Variants in PCDHA6 observed in about 807,000 individuals in gnomAD.
PCDHA6 encodes the protein protocadherin alpha 6.
A neutral mutation model predicts 60.3 loss-of-function variants in PCDHA6; 55 were observed. The ratio of observed to expected loss-of-function variants is 0.91; its 90% CI spans 0.73 to 1.14. PCDHA6 has a LOEUF of 1.14. PCDHA6 is among the 50% of genes most tolerant of loss of function. PCDHA6 has a pLI of 0.00. For missense variants in PCDHA6, 1,327 were observed against 1,256.5 expected (o/e 1.06, Z -0.85); for synonymous variants, 652 against 557.9 (o/e 1.17, Z -2.38).
In PCDHA6 at chr5:140,829,318, G is replaced by A; in HGVS notation, c.1227G>A (p.Leu409=). Residue 409 remains leucine, a synonymous_variant, in exon 1 of 4, where the codon CTG becomes CTA. Coordinates refer to ENST00000529310, the MANE Select transcript of PCDHA6 (RefSeq NM_018909.4). The part of the protein sequence containing the change: ...STFKNYYSLV[L]DSALDRESVS... ...TCAAGAATTACTACTCGTTGGTGCTGGACAGTGCCCTGGACCGCGAGAGCG... is the reference window on the plus strand; with the variant it reads ...TCAAGAATTACTACTCGTTGGTGCTAGACAGTGCCCTGGACCGCGAGAGCG... 3 of 1,614,246 alleles carry A rather than the reference G, an allele frequency of 1.9e-6. No individual in the cohort carries two copies. Among genetic ancestry groups the A allele is most frequent in the Non-Finnish European group, 2.5e-6 (3 of 1,180,042 alleles).
At chr5:140,922,288 T>C (rs2080761283) in intron 1 of PCDHA6, among the ~76,000 whole-genome samples, 1 of 152,150 alleles carries the variant, frequency 6.6e-6, no homozygotes, top group African/African-American at 2.4e-5. Context: ...GATATGAAAA[T>C]GCTAGGAGAG....
chr5:140,853,580 T>C, intron 1 of PCDHA6: 2 of 984,120 alleles, frequency 2.0e-6, no homozygotes, highest in Non-Finnish European at 2.4e-6. Flanking sequence ...TCACCCAATA[T>C]CTTAGACACT....
intron 1 of PCDHA6, among the ~76,000 whole-genome samples, chr5:140,920,648 A>G (rs1465559942): frequency 1.3e-5 from 2 of 152,148 alleles, no homozygotes; most frequent in Non-Finnish European, 2.9e-5. Flanking sequence ...GATTGAGACC[A>G]TCCTTGCCAA....
chr5:140,882,157 C>G, intron 1 of PCDHA6: 5 of 1,504,750 alleles, frequency 3.3e-6, no homozygotes, highest in Non-Finnish European at 8.9e-7. Flanking sequence ...AAGCGGAATA[C>G]CTCTTGCGAA....
intron 1 of PCDHA6, among the ~76,000 whole-genome samples, chr5:140,833,892 C>A (rs1772707786): frequency 1.3e-5 from 2 of 152,052 alleles, no homozygotes; most frequent in Non-Finnish European, 2.9e-5. Context: ...GGATCTAGAT[C>A]AAAGGAATTT....
At chr5:140,834,597 G>A (rs1554134361) in intron 1 of PCDHA6, 1 of 1,614,130 alleles carries the variant, frequency 6.2e-7, no homozygotes, top group African/African-American at 1.3e-5. Flanking sequence ...CAAATTCCGT[G>A]GGGATCTTCT....
In PCDHA6 at chr5:140,843,290, C is replaced by A. The variant is rs2150356540; in HGVS notation, c.2394+12805C>A. On this transcript the variant is annotated intron_variant, in intron 1 of 3. Transcript: ENST00000529310. Reference sequence around the variant, plus strand: ...GGTCCTGGTGAAGGATCATGGTGAACCTGCGCTGACCGCCACGGCCACGGT... The same window carrying A: ...GGTCCTGGTGAAGGATCATGGTGAAACTGCGCTGACCGCCACGGCCACGGT... The A allele has an allele frequency of 1.2e-4, 199 of 1,595,966 alleles. 7 individuals carry two copies. The East Asian group carries it at 4.2e-3, about 34-fold the overall frequency.
chr5:140,987,811 CTT>C (rs1444999429), intron 3 of PCDHA6, among the ~76,000 whole-genome samples: 7 of 152,218 alleles, frequency 4.6e-5, no homozygotes, highest in African/African-American at 1.7e-4. Flanking sequence ...GTGCCTGTCT[CTT>C]TGTTTCCTTA....
At chr5:140,869,313 A>G in intron 1 of PCDHA6, 1 of 1,613,732 alleles carries the variant, frequency 6.2e-7, no homozygotes, top group Non-Finnish European at 8.5e-7. Context: ...CGTCCAAAAC[A>G]CATGGGGACC....
intron 1 of PCDHA6, chr5:140,854,500 C>T (rs1489975615): frequency 2.0e-5 from 3 of 149,908 alleles, no homozygotes; most frequent in Non-Finnish European, 3.0e-5. Context: ...TAGTAGGACA[C>T]ATAAACTGAT....
intron 1 of PCDHA6, chr5:140,871,181 T>C (rs782405877): frequency 6.2e-7 from 1 of 1,613,552 alleles, no homozygotes; most frequent in Admixed American, 1.7e-5. Flanking sequence ...GCTGCGCTGG[T>C]GGATGTCAAC....
Position 140,828,955 on chromosome 5 carries a change from G to C in PCDHA6, c.864G>C (p.Met288Ile), listed in dbSNP as rs1770051113. 6.2e-7 allele frequency: 1 copy of C among 1,614,090 alleles called. No individual in the cohort carries two copies. The highest frequency in any genetic ancestry group is 1.3e-5 in the African/African-American group (1 of 74,936). Residue 288 changes from methionine to isoleucine, a missense_variant, in exon 1 of 4, where the codon ATG (methionine) becomes ATC (isoleucine). Met to Ile is a conservative substitution (Grantham distance 10). Coordinates refer to ENST00000529310, the MANE Select transcript of PCDHA6 (RefSeq NM_018909.4). ...SYSFNSLVAA[M>I]VIDHFSIDRN... ...CTTTTAATAGCCTTGTTGCAGCCAT[G>C]GTTATTGACCACTTTAGCATAGATC... is the stretch of plus-strand genomic sequence containing the variant.
intron 1 of PCDHA6, chr5:140,836,463 G>T: frequency 6.2e-7 from 1 of 1,613,838 alleles, no homozygotes. Flanking sequence ...GACCGAGCTG[G>T]TGGATGTCAA....
At chr5:140,930,013 G>A (rs2086530432) in intron 1 of PCDHA6, 1 of 152,118 alleles carries the variant, frequency 6.6e-6, no homozygotes, top group Admixed American at 6.5e-5. Context: ...ATAGCTGATA[G>A]CTCCATAGCA....
intron 1 of PCDHA6, among the ~76,000 whole-genome samples, chr5:140,898,010 T>A (rs2066467224): frequency 6.6e-6 from 1 of 152,240 alleles, no homozygotes; most frequent in African/African-American, 2.4e-5. Context: ...TCTGTTCATA[T>A]CCTTTGCCCA....
intron 1 of PCDHA6, among the ~76,000 whole-genome samples, chr5:140,972,293 C>T (rs912767406): frequency 2.0e-5 from 3 of 151,768 alleles, no homozygotes; most frequent in Non-Finnish European, 4.4e-5. Flanking sequence ...ATGTGCGCCA[C>T]CGTGTCTGAC....
chr5:140,905,158 T>C (rs2071634583), intron 1 of PCDHA6, among the ~76,000 whole-genome samples: 1 of 152,256 alleles, frequency 6.6e-6, no homozygotes, highest in South Asian at 2.1e-4. Context: ...TTTAGAATTT[T>C]CATGGTTTCA....
intron 1 of PCDHA6, among the ~76,000 whole-genome samples, chr5:140,897,618 T>C: frequency 6.6e-6 from 1 of 152,172 alleles, no homozygotes; most frequent in Non-Finnish European, 1.5e-5. Flanking sequence ...TTCCAAGTCT[T>C]TACTATTGTG....
At chr5:140,852,689 T>C (rs993759166) in intron 1 of PCDHA6, 1 of 972,400 alleles carries the variant, frequency 1.0e-6, no homozygotes, top group Non-Finnish European at 1.2e-6. Flanking sequence ...AATATAGTCT[T>C]ATACTTTCAA....
Sources: allele counts gnomAD v4.1 joint callset (sites outside exome capture counted in the v4.1 genomes callset), GRCh38; gene constraint gnomAD v4.1.1; transcripts MANE v1.5; gene names NCBI Gene and HGNC (gene_info 2026-07-23, HGNC 2026-07-21).